Variants in CDH18 observed in about 807,000 individuals in gnomAD.
CDH18 encodes the protein cadherin-18.
In CDH18, 31 loss-of-function variants were observed where a neutral mutation model predicts 67.9. That is an observed-to-expected ratio of 0.46 (90% CI 0.34 to 0.62). The LOEUF (loss-of-function observed/expected upper bound fraction) is 0.62. Among genes scored for constraint, CDH18 ranks in the 20% least tolerant of loss-of-function variants. The probability of loss-of-function intolerance (pLI) is 0.01; values close to 1 mark genes in which losing one functional copy is unlikely to be tolerated. For synonymous variants in CDH18, 362 were observed against 347.2 expected, an observed-to-expected ratio of 1.04 and a Z score of -0.48; for missense variants, 890 against 975.5, an observed-to-expected ratio of 0.91 and a Z score of 1.17.
Position 20,224,127 on chromosome 5 carries a change from C to T in CDH18, c.-518+31317G>A, listed in dbSNP as rs142939778. Among the ~76,000 whole-genome samples, 13 of 152,242 alleles carry T rather than the reference C, an allele frequency of 8.5e-5. No homozygotes were observed. The East Asian group carries it at 2.1e-3, about 25-fold the overall frequency. ...GAAGATAAATTGAAATGTCTTTTAA[C>T]TTGGCCCTTATGACTTTCAGATTCT... On this transcript the variant is annotated intron_variant, in intron 2 of 14. Transcript: ENST00000507958.
chr5:20,273,206 A>G (rs1346776857), intron 1 of CDH18, among the ~76,000 whole-genome samples: 1 of 152,070 alleles, frequency 6.6e-6, no homozygotes, highest in Non-Finnish European at 1.5e-5. Flanking sequence ...GAAATATTCA[A>G]CAAACAGAAA....
chr5:20,366,742 G>A (rs74811976), intron 1 of CDH18, among the ~76,000 whole-genome samples: 3,387 of 152,230 alleles, frequency 0.022, 93 homozygotes, highest in East Asian at 0.06. Context: ...TTCAATTCCC[G>A]ATACATATTA....
Position 19,733,562 on chromosome 5 carries a change from A to G in CDH18, c.524-12096T>C, listed in dbSNP as rs574528554. Among the ~76,000 whole-genome samples the G allele has an allele frequency of 2.0e-5, 3 of 152,142 alleles. No individual in the cohort carries two copies. The South Asian group carries it at 6.2e-4, about 31-fold the overall frequency. On this transcript the variant is annotated intron_variant, in intron 4 of 12. Transcript: ENST00000382275. Reference sequence around the variant, plus strand: ...TGACCTCATTCTTCTTGGATGTGGGACAAGAGCTCAAGACCCACCAAATGA... The same window carrying G: ...TGACCTCATTCTTCTTGGATGTGGGGCAAGAGCTCAAGACCCACCAAATGA...
At chr5:20,373,755 G>T (rs1743194632) in intron 1 of CDH18, among the ~76,000 whole-genome samples, 1 of 151,968 alleles carries the variant, frequency 6.6e-6, no homozygotes, top group South Asian at 2.1e-4. Context: ...ATAAGTGAAT[G>T]AGTAAATATA....
intron 6 of CDH18, 74 bp downstream of exon 6, chr5:19,612,360 A>C: frequency 1.4e-6 from 2 of 1,425,936 alleles, no homozygotes; most frequent in Non-Finnish European, 2.0e-6. Context: ...GTAACATAAC[A>C]CTGTTCAAGT....
In CDH18 at chr5:20,030,108, T is replaced by C. The variant is rs143979886; in HGVS notation, c.-517-38094A>G. Reference sequence around the variant, plus strand: ...GTCATTAAAGAACTATCCTATTGCATAAAAATGTCTAGGACCTTGTAATAC... The same window carrying C: ...GTCATTAAAGAACTATCCTATTGCACAAAAATGTCTAGGACCTTGTAATAC... On this transcript the variant is annotated intron_variant, in intron 2 of 14. Transcript: ENST00000507958. Among the ~76,000 whole-genome samples, 17 of 152,276 alleles carry C rather than the reference T, an allele frequency of 1.1e-4. 1 individual carries two copies. In the East Asian group the frequency reaches 3.3e-3, roughly 29 times the overall value.
Position 20,308,265 on chromosome 5 carries a change from G to A in CDH18, c.-579-52760C>T, listed in dbSNP as rs372179384. On this transcript the variant is annotated intron_variant, in intron 1 of 14. Coordinates refer to the CDH18 transcript ENST00000507958. ...AACACTTGATCGTAGCCAAAAGGCC[G>A]AGGGTGGTGGCTCACGACTGTAATC... 1.6e-4 allele frequency among the ~76,000 whole-genome samples: 25 copies of A among 152,084 alleles called. 2 individuals carry two copies. Among genetic ancestry groups the A allele is most frequent in the Admixed American group, 5.9e-4 (9 of 15,262 alleles).
chr5:20,423,678 G>T (rs1282324044), intron 1 of CDH18, among the ~76,000 whole-genome samples: 1 of 150,806 alleles, frequency 6.6e-6, no homozygotes, highest in Non-Finnish European at 1.5e-5. Context: ...GGGCGCGGTG[G>T]CTCATGCCTG....
At chr5:20,325,208 A>G (rs548793083) in intron 1 of CDH18, among the ~76,000 whole-genome samples, 49 of 152,278 alleles carry the variant, frequency 3.2e-4, no homozygotes, top group African/African-American at 9.4e-4. Context: ...TATTAAACCA[A>G]TCTTTAATAA....
At chr5:20,447,969 T>C (rs1750133859) in intron 1 of CDH18, among the ~76,000 whole-genome samples, 1 of 152,074 alleles carries the variant, frequency 6.6e-6, no homozygotes, top group African/African-American at 2.4e-5. Context: ...TTGTTACATA[T>C]GTATACATGT....
chr5:20,361,748 G>A (rs1230425864), intron 1 of CDH18, among the ~76,000 whole-genome samples: 1 of 152,076 alleles, frequency 6.6e-6, no homozygotes, highest in African/African-American at 2.4e-5. Flanking sequence ...TTCAGCTTAT[G>A]ATTATATAGG....
intron 2 of CDH18, among the ~76,000 whole-genome samples, chr5:20,118,407 A>G (rs990616379): frequency 2.6e-5 from 4 of 152,144 alleles, no homozygotes; most frequent in Non-Finnish European, 5.9e-5. Flanking sequence ...ATTATTTTTA[A>G]GCACTCCAAT....
At chr5:20,314,830 T>C (rs898927068) in intron 1 of CDH18, among the ~76,000 whole-genome samples, 1 of 152,088 alleles carries the variant, frequency 6.6e-6, no homozygotes, top group African/African-American at 2.4e-5. Flanking sequence ...TCAATAATCA[T>C]CTAAAGATTT....
chr5:19,788,308 C>T (rs1253293544), intron 3 of CDH18, among the ~76,000 whole-genome samples: 3 of 152,154 alleles, frequency 2.0e-5, no homozygotes, highest in African/African-American at 4.8e-5. Flanking sequence ...AAAGAGAATT[C>T]ATTCATGCAA....
At chr5:20,336,717 T>C (rs1739788141) in intron 1 of CDH18, among the ~76,000 whole-genome samples, 1 of 36,308 alleles carries the variant, frequency 2.8e-5, no homozygotes, top group Non-Finnish European at 7.0e-5. Context: ...AGAGGGAGCC[T>C]CTGTCTCAAA....
At position 19,483,434 on chromosome 5, in the gene CDH18, G is replaced by C; in HGVS notation, c.1749C>G (p.Thr583=). 1 of 1,614,070 alleles carries C rather than the reference G, an allele frequency of 6.2e-7. No individual in the cohort carries two copies. The highest frequency in any genetic ancestry group is 8.5e-7 in the Non-Finnish European group (1 of 1,180,012). The part of the protein sequence containing the change: ...GGIPSLSSSS[T]LTIRVCACER... ...CGCATGCACAAACCCTGATGGTGAGGGTGCTGCTGCTGCTGAGAGAGGGGA... is the reference window on the plus strand; with the variant it reads ...CGCATGCACAAACCCTGATGGTGAGCGTGCTGCTGCTGCTGAGAGAGGGGA... Residue 583 remains threonine, a synonymous_variant, in exon 12 of 13, where the codon ACC becomes ACG. Transcript: ENST00000382275.
intron 8 of CDH18, among the ~76,000 whole-genome samples, chr5:19,569,698 T>C (rs1232577107): frequency 6.6e-6 from 1 of 152,140 alleles, no homozygotes; most frequent in East Asian, 1.9e-4. Context: ...AAACACTAGG[T>C]TCTATTTCTT....
intron 2 of CDH18, among the ~76,000 whole-genome samples, chr5:20,067,893 T>C (rs967765723): frequency 4.6e-5 from 7 of 152,072 alleles, no homozygotes; most frequent in Admixed American, 2.0e-4. Flanking sequence ...GTTGTTATAG[T>C]TTATTCTAGT....
intron 1 of CDH18, among the ~76,000 whole-genome samples, chr5:20,328,092 C>T (rs544400287): frequency 2.6e-5 from 4 of 152,026 alleles, no homozygotes; most frequent in African/African-American, 9.6e-5. Flanking sequence ...GATGAAGCAT[C>T]AAGCAGGAGG....
Sources: allele counts gnomAD v4.1 joint callset (sites outside exome capture counted in the v4.1 genomes callset), GRCh38; gene constraint gnomAD v4.1.1; transcripts MANE v1.5; gene names NCBI Gene and HGNC (gene_info 2026-07-23, HGNC 2026-07-21).